USH2A: variants seen among roughly 807,000 people sequenced by gnomAD.
USH2A encodes Usher syndrome 2A (autosomal recessive, mild).
USH2A carries 443 observed loss-of-function variants against 538.9 expected under a neutral mutation model. The observed-to-expected ratio is 0.82, with a 90% CI of 0.76 to 0.89. The LOEUF is 0.89. Ranked by LOEUF, USH2A falls within the 40% of genes least tolerant of loss-of-function variation. USH2A has a pLI of 0.00. For synonymous variants in USH2A, 2,413 were observed against 2,273.5 expected (o/e 1.06, Z -1.75); for missense variants, 6,633 against 6,324.8 (o/e 1.05, Z -1.65).
At position 215,629,053 on chromosome 1, in the gene USH2A, G is replaced by T; in HGVS notation, c.15298-18C>A. On this transcript the variant is annotated intron_variant, in intron 70 of 71. Transcript: ENST00000307340. ...GCTAACCCCTGAGAAGGAAGTTGCT[G>T]TGAGTATTTCACATATAAAGAATAT... is the stretch of plus-strand genomic sequence containing the variant. 1 of 1,608,590 alleles carries T rather than the reference G, an allele frequency of 6.2e-7. No homozygotes were observed. The highest frequency in any genetic ancestry group is 8.5e-7 in the Non-Finnish European group (1 of 1,176,544).
intron 26 of USH2A, 131 bp downstream of exon 26, chr1:216,083,325 C>T (rs1299130526): frequency 1.9e-6 from 2 of 1,063,168 alleles, no homozygotes; most frequent in Non-Finnish European, 2.7e-6. Context: ...CTAAAAATGA[C>T]TGGGAAAAAA....
rs58078354 is a variant in USH2A, at chr1:216,353,086, G to T, written c.784+11867C>A. ...TCATAGTAGAAGTGAAGAAAAAACGGCAGGGAAGTCCAGTTCCATGAAAAG... is the reference window on the plus strand; with the variant it reads ...TCATAGTAGAAGTGAAGAAAAAACGTCAGGGAAGTCCAGTTCCATGAAAAG... On this transcript the variant is annotated intron_variant, in intron 4 of 71. Transcript: ENST00000307340. Among the ~76,000 whole-genome samples, 789 of 152,058 alleles carry T rather than the reference G, an allele frequency of 5.2e-3. 5 individuals carry two copies. Among genetic ancestry groups the T allele is most frequent in the African/African-American group, 0.018 (755 of 41,494 alleles).
intron 11 of USH2A, among the ~76,000 whole-genome samples, chr1:216,253,509 C>T (rs937873949): frequency 2.0e-5 from 3 of 152,124 alleles, no homozygotes; most frequent in Non-Finnish European, 2.9e-5. Context: ...TCATCTGGAG[C>T]GTCCTTGCCT....
At chr1:215,824,565 GTGC>G (rs1414504689) in intron 47 of USH2A, among the ~76,000 whole-genome samples, 1 of 152,086 alleles carries the variant, frequency 6.6e-6, no homozygotes, top group Non-Finnish European at 1.5e-5. Context: ...CTACAGTGTG[GTGC>G]TGCTGAACAG....
intron 61 of USH2A, among the ~76,000 whole-genome samples, chr1:215,688,818 G>T (rs74366990): frequency 0.024 from 3,716 of 152,058 alleles, 86 homozygotes; most frequent in Middle Eastern, 0.058. Context: ...GTCACCTTGG[G>T]GGTTAGGGCT....
chr1:216,135,175 CACAT>C (rs879388256), intron 21 of USH2A, among the ~76,000 whole-genome samples: 5,986 of 127,022 alleles, frequency 0.047, 294 homozygotes, highest in African/African-American at 0.14. Context: ...CTCACACACA[CACAT>C]ACACACACAC....
chr1:215,981,345 T>A (rs1667748713), intron 35 of USH2A, among the ~76,000 whole-genome samples: 1 of 152,174 alleles, frequency 6.6e-6, no homozygotes, highest in Non-Finnish European at 1.5e-5. Context: ...ATCATCTCTC[T>A]TATTATTTAT....
chr1:216,150,003 C>A (rs1401034074), intron 21 of USH2A, among the ~76,000 whole-genome samples: 3 of 152,080 alleles, frequency 2.0e-5, no homozygotes, highest in Admixed American at 6.6e-5. Flanking sequence ...ACAGTAATAA[C>A]CCTTATGAGC....
chr1:215,879,187 T>C, intron 41 of USH2A, 89 bp from the exon 42 acceptor site: 2 of 1,136,580 alleles, frequency 1.8e-6, no homozygotes, highest in South Asian at 2.5e-5. Flanking sequence ...GCTCTTGTTT[T>C]CAGTTAAGTC....
At chr1:215,867,401 A>G (rs1024174341) in intron 43 of USH2A, among the ~76,000 whole-genome samples, 3 of 152,212 alleles carry the variant, frequency 2.0e-5, no homozygotes, top group Non-Finnish European at 4.4e-5. Flanking sequence ...GAAATATTTT[A>G]TTAGGAATGC....
intron 10 of USH2A, among the ~76,000 whole-genome samples, chr1:216,291,147 C>T (rs905145378): frequency 1.1e-5 from 1 of 89,128 alleles, no homozygotes; most frequent in African/African-American, 2.9e-5. Context: ...ATCTCCTTGA[C>T]CTTAGATAAA....
At chr1:216,151,101 G>C (rs1014656453) in intron 21 of USH2A, among the ~76,000 whole-genome samples, 2 of 151,992 alleles carry the variant, frequency 1.3e-5, no homozygotes, top group Non-Finnish European at 2.9e-5. Context: ...ACAGTGAAAG[G>C]TTGCTCGTAG....
intron 61 of USH2A, among the ~76,000 whole-genome samples, chr1:215,724,110 T>C (rs536200075): frequency 6.6e-6 from 1 of 152,172 alleles, no homozygotes; most frequent in South Asian, 2.1e-4. Context: ...CATCTATATC[T>C]ATATCTATAT....
At chr1:215,966,991 G>T (rs1667362644) in intron 36 of USH2A, among the ~76,000 whole-genome samples, 1 of 152,036 alleles carries the variant, frequency 6.6e-6, no homozygotes, top group South Asian at 2.1e-4. Flanking sequence ...CTCTGACCTG[G>T]TCTTTCTTTT....
intron 21 of USH2A, among the ~76,000 whole-genome samples, chr1:216,172,215 A>T (rs2034288039): frequency 6.6e-6 from 1 of 152,086 alleles, no homozygotes; most frequent in African/African-American, 2.4e-5. Context: ...TACTACAATA[A>T]TGAGATATTT....
At chr1:215,959,141 AT>A (rs1474598983) in intron 37 of USH2A, among the ~76,000 whole-genome samples, 9 of 149,592 alleles carry the variant, frequency 6.0e-5, no homozygotes, top group African/African-American at 1.9e-4. Flanking sequence ...TGCAAAAATA[AT>A]ATGTATATAT....
At position 215,670,958 on chromosome 1, in the gene USH2A, T is replaced by C. The variant is rs1285337395; in HGVS notation, c.14133+14A>G. The C allele has an allele frequency of 1.2e-6, 2 of 1,613,476 alleles. No individual in the cohort carries two copies. Among genetic ancestry groups the C allele is most frequent in the Non-Finnish European group, 8.5e-7 (1 of 1,179,512 alleles). The stretch of plus-strand genomic sequence containing the variant: ...AACAATCAGCTCGAATTGTTTATAA[T>C]ACACATTTCTTACCTGATACTCATA... On this transcript the variant is annotated intron_variant, in intron 64 of 71. Coordinates refer to ENST00000307340, the MANE Select transcript of USH2A (RefSeq NM_206933.4).
Position 215,623,897 on chromosome 1 carries a change from C to T in USH2A, c.*1884G>A, listed in dbSNP as rs1655898878. On this transcript the variant is annotated 3_prime_UTR_variant, in exon 72 of 72. Transcript: ENST00000307340. ...TAGACTATTCTTTGTGACTAGCAAA[C>T]TGTATTCTTAGAAGAGTCCACCAAG... 6.6e-6 allele frequency: 1 copy of T among 152,158 alleles called. No homozygotes were observed. Among genetic ancestry groups the T allele is most frequent in the Non-Finnish European group, 1.5e-5 (1 of 68,026 alleles). 9.4% of individuals were successfully genotyped at this position (152,158 alleles called of 1,614,324 possible).
chr1:216,289,323 C>A lies in USH2A; in HGVS notation c.1928G>T (p.Cys643Phe). 1 of 1,614,006 alleles carries A rather than the reference C, an allele frequency of 6.2e-7. No homozygotes were observed. The highest frequency in any genetic ancestry group is 2.2e-5 in the East Asian group (1 of 44,856). The change falls in exon 11 of 72, where the codon TGT (cysteine) becomes TTT (phenylalanine). Residue 643 changes from cysteine (C) to phenylalanine (F), a missense_variant. Transcript: ENST00000307340. ...SAIDVCKPCD[C>F]DTVGTRNGSI... ...ACCATTTCTAGTGCCAACTGTATCA[C>A]AGTCACAGGGTTTGCAAACATCTAT... is the stretch of plus-strand genomic sequence containing the variant.
Sources: allele counts gnomAD v4.1 joint callset (sites outside exome capture counted in the v4.1 genomes callset), GRCh38; gene constraint gnomAD v4.1.1; transcripts MANE v1.5; gene names NCBI Gene and HGNC (gene_info 2026-07-23, HGNC 2026-07-21).